Variants in CLU observed in about 807,000 individuals in gnomAD.
CLU encodes clusterin.
A neutral mutation model predicts 46.4 loss-of-function variants in CLU; 25 were observed. The observed-to-expected ratio is 0.54, with a 90% confidence interval of 0.39 to 0.75. CLU has a LOEUF of 0.75. Among genes scored for constraint, CLU ranks in the 30% least tolerant of loss-of-function variants. The pLI is 0.00. For missense variants in CLU, 504 were observed against 592.1 expected (o/e 0.85, Z 1.54); for synonymous variants, 235 against 235.1 (o/e 1.00, Z 0.00).
At chr8:27,611,178 G>A (rs1257115094) in intron 1 of CLU, 1 of 453,680 alleles carries the variant, frequency 2.2e-6, no homozygotes, top group Non-Finnish European at 4.4e-6. Flanking sequence ...GGAGGCAACA[G>A]CAGCCAGCCC....
intron 6 of CLU, 198 bp downstream of exon 6, chr8:27,604,093 A>G: frequency 1.6e-6 from 1 of 610,762 alleles, no homozygotes; most frequent in Non-Finnish European, 3.0e-6. Context: ...ACAGCCTCGC[A>G]TCATCATCTC....
At chr8:27,606,101 C>T (rs9331908) in intron 4 of CLU, among the ~76,000 whole-genome samples, 54,106 of 151,980 alleles carry the variant, frequency 0.36, 10,565 homozygotes, top group East Asian at 0.77. Flanking sequence ...TGCCATCCCA[C>T]GAAGCAGTTT....
Position 27,611,080 on chromosome 8 carries a change from C to G in CLU, c.-29-480G>C, listed in dbSNP as rs1800918916. On this transcript the variant is annotated intron_variant, in intron 1 of 8. Transcript: ENST00000316403. Reference sequence around the variant, plus strand: ...ACGTCCTCTGCAATGTGCACCTAAACCTTCACCCCAGCAGACGCTCCCCAT... The same window carrying G: ...ACGTCCTCTGCAATGTGCACCTAAAGCTTCACCCCAGCAGACGCTCCCCAT... 9 of 409,302 alleles carry G rather than the reference C, an allele frequency of 2.2e-5. No homozygotes were observed. The Admixed American group carries it at 2.3e-4, about 10-fold the overall frequency. The allele number at this position is 409,302 out of a possible 1,614,324, so 25.4% of individuals were successfully genotyped here. A position where few individuals can be genotyped will look rare whatever the true frequency, so the allele number is the denominator to read the frequency against.
In CLU at chr8:27,598,360, G is replaced by A. The variant is rs557571694; in HGVS notation, c.1340+100C>T. ...TTGGGCTCTGGCTCCGGGCGGAGTCGTTCCCACCAGGCTATAGAGTCTGCA... is the reference window on the plus strand; with the variant it reads ...TTGGGCTCTGGCTCCGGGCGGAGTCATTCCCACCAGGCTATAGAGTCTGCA... On this transcript the variant is annotated intron_variant, in intron 8 of 8. Transcript: ENST00000316403. 6.5e-5 allele frequency: 103 copies of A among 1,593,002 alleles called. No individual in the cohort carries two copies. The African/African-American group carries it at 8.2e-4, about 13-fold the overall frequency.
In CLU at chr8:27,605,078, G is replaced by T. The variant is rs945680551; in HGVS notation, c.675C>A (p.Ile225=). The T allele has an allele frequency of 1.9e-6, 3 of 1,614,136 alleles. No individual in the cohort carries two copies. The highest frequency in any genetic ancestry group is 4.5e-5 in the East Asian group (2 of 44,874). Residue 225 remains isoleucine, a synonymous_variant, in exon 5 of 9, where the codon ATC becomes ATA. Transcript: ENST00000316403. ...RPHFFFPKSR[I]VRSLMPFSPY... ...GAGAGAAGGGCATCAAGCTGCGGACGATGCGGGACTTGGGAAAGAAGAAGT... is the reference window on the plus strand; with the variant it reads ...GAGAGAAGGGCATCAAGCTGCGGACTATGCGGGACTTGGGAAAGAAGAAGT...
intron 2 of CLU, among the ~76,000 whole-genome samples, chr8:27,609,367 G>A (rs1371587595): frequency 2.0e-5 from 3 of 149,638 alleles, no homozygotes; most frequent in African/African-American, 7.4e-5. Context: ...CCTGGAGAAT[G>A]AGCTGGGTGC....
intron 4 of CLU, among the ~76,000 whole-genome samples, chr8:27,605,543 T>A (rs1800807733): frequency 6.6e-6 from 1 of 152,226 alleles, no homozygotes; most frequent in Non-Finnish European, 1.5e-5. Flanking sequence ...TGGGGGACAG[T>A]TTTGAGACAC....
intron 1 of CLU, among the ~76,000 whole-genome samples, chr8:27,612,568 G>T (rs1800947839): frequency 6.6e-6 from 1 of 152,134 alleles, no homozygotes; most frequent in Non-Finnish European, 1.5e-5. Context: ...TTGCTGAAAT[G>T]ATTGACCACT....
intron 6 of CLU, among the ~76,000 whole-genome samples, chr8:27,601,223 G>T (rs2132853359): frequency 6.6e-6 from 1 of 152,240 alleles, no homozygotes; most frequent in African/African-American, 2.4e-5. Context: ...TGATTTTTTT[G>T]TATTTTTAGG....
rs367939284 is a variant in CLU at position 27,605,204 on chromosome 8, C to T, written c.549G>A (p.Ala183=). 2.3e-5 allele frequency: 37 copies of T among 1,614,050 alleles called. No individual in the cohort carries two copies. Among genetic ancestry groups the T allele is most frequent in the African/African-American group, 8.0e-5 (6 of 74,928 alleles). The change falls in exon 5 of 9, where the codon GCG becomes GCA. Residue 183 remains alanine, a synonymous_variant. Transcript: ENST00000316403. The part of the protein sequence containing the change: ...LDVMQDHFSR[A]SSIIDELFQD... ...GGAAGAGCTCGTCTATGATGCTGGA[C>T]GCGCGGCTGAAGTGGTCCTGCATGA... is the stretch of plus-strand genomic sequence containing the variant.
In CLU at chr8:27,599,826, G is replaced by T; in HGVS notation, c.1118C>A (p.Ala373Glu). 1 of 1,613,982 alleles carries T rather than the reference G, an allele frequency of 6.2e-7. No individual in the cohort carries two copies. The highest frequency in any genetic ancestry group is 8.5e-7 in the Non-Finnish European group (1 of 1,179,934). The change falls in exon 7 of 9, where the codon GCA becomes GAA. Residue 373 changes from alanine to glutamate, a missense_variant. Ala to Glu is a moderately radical substitution (Grantham distance 107, BLOSUM62 -1). Around this residue, in one of 3 missense-constraint regions of CLU, gnomAD observed 428 missense variants for 484.0 expected, o/e 0.88. Coordinates refer to ENST00000316403, the MANE Select transcript of CLU (RefSeq NM_001831.4). The surrounding 1 kb of genome is among the most constrained non-coding windows in gnomAD (Gnocchi z 4.0). Reference sequence around the variant, plus strand: ...CTGGTCTTCGCCTTGCGTGAGGTTTGCCAGCCGGGACACCCAGTTAAACTG... The same window carrying T: ...CTGGTCTTCGCCTTGCGTGAGGTTTTCCAGCCGGGACACCCAGTTAAACTG... ...NEQFNWVSRL[A>E]NLTQGEDQYY...
chr8:27,609,889 A>G (rs891964006), intron 2 of CLU, among the ~76,000 whole-genome samples: 1 of 152,186 alleles, frequency 6.6e-6, no homozygotes, highest in Non-Finnish European at 1.5e-5. Context: ...TCATCATTTC[A>G]ATGTATGTGC....
At chr8:27,608,852 A>G in intron 3 of CLU, 86 bp downstream of exon 3, 2 of 1,467,526 alleles carry the variant, frequency 1.4e-6, no homozygotes, top group Non-Finnish European at 9.5e-7. Context: ...TCACCATGGC[A>G]ACCCAGCAGG....
rs551263967 is a variant in CLU, at chr8:27,598,152, C to T, written c.*89G>A. On this transcript the variant is annotated 3_prime_UTR_variant, in exon 9 of 9. Transcript: ENST00000316403. ...AGGCTGGGGCCTGGTTACTTGGTGA[C>T]GTGCAGAGCTCTCTCTGGGGGGCTG... The T allele has an allele frequency of 9.4e-6, 13 of 1,386,590 alleles. No individual in the cohort carries two copies. The highest frequency in any genetic ancestry group is 5.9e-5 in the South Asian group (5 of 84,524). 85.9% of individuals were successfully genotyped at this position (1,386,590 alleles called of 1,614,324 possible). A position where few individuals can be genotyped will look rare whatever the true frequency, so the allele number is the denominator to read the frequency against.
chr8:27,609,215 C>A (rs762844545), intron 2 of CLU, 129 bp from the exon 3 acceptor site: 11 of 989,832 alleles, frequency 1.1e-5, no homozygotes, highest in Non-Finnish European at 1.7e-5. Flanking sequence ...CCCACTCCTG[C>A]CAGCAGGCAG....
intron 1 of CLU, among the ~76,000 whole-genome samples, chr8:27,613,398 A>G (rs1280453461): frequency 7.1e-6 from 1 of 140,812 alleles, no homozygotes; most frequent in East Asian, 2.1e-4. Context: ...GAAAAAAAAA[A>G]AAAAAGAGAG....
Position 27,597,167 on chromosome 8 carries a change from T to C in CLU, c.*1074A>G, listed in dbSNP as rs1296573575. ...ACAGTGACTTAAGAATATTCTAAGC[T>C]ATAAATTTACATGTGGACTTTGCTA... On this transcript the variant is annotated 3_prime_UTR_variant, in exon 9 of 9. Transcript: ENST00000316403. 1 of 454,108 alleles carries C rather than the reference T, an allele frequency of 2.2e-6. No individual in the cohort carries two copies. Among genetic ancestry groups the C allele is most frequent in the East Asian group, 6.9e-5 (1 of 14,410 alleles). The allele number at this position is 454,108 out of a possible 1,614,324, so 28.1% of individuals were successfully genotyped here. A position where few individuals can be genotyped will look rare whatever the true frequency, so the allele number is the denominator to read the frequency against.
rs531274968 is a variant in CLU at position 27,605,135 on chromosome 8, G to A, written c.618C>T (p.Tyr206=). Residue 206 remains tyrosine (Y), a synonymous_variant, in exon 5 of 9, where the codon TAC becomes TAT. Coordinates refer to ENST00000316403, the MANE Select transcript of CLU (RefSeq NM_001831.4). ...FTREPQDTYH[Y]LPFSLPHRRP... is the part of the protein sequence containing the mutation. ...TCCGGTGGGGCAGGCTGAAGGGCAGGTAGTGGTAGGTATCCTGGGGCTCCC... is the reference window on the plus strand; with the variant it reads ...TCCGGTGGGGCAGGCTGAAGGGCAGATAGTGGTAGGTATCCTGGGGCTCCC... 20 of 1,614,202 alleles carry A rather than the reference G, an allele frequency of 1.2e-5. No individual in the cohort carries two copies. In the African/African-American group the frequency reaches 1.7e-4, roughly 14 times the overall value.
intron 1 of CLU, chr8:27,613,731 G>A (rs1335976537): frequency 1.3e-5 from 2 of 152,052 alleles, no homozygotes; most frequent in Non-Finnish European, 1.5e-5. Flanking sequence ...CTTACTCACG[G>A]ACCTAAGTTT....
Sources: allele counts gnomAD v4.1 joint callset (sites outside exome capture counted in the v4.1 genomes callset), GRCh38; gene constraint gnomAD v4.1.1; regional missense constraint gnomAD v4.1.1; non-coding constraint Gnocchi (gnomAD v3.1); transcripts MANE v1.5; gene names NCBI Gene and HGNC (gene_info 2026-07-23, HGNC 2026-07-21).